Variants in SRC observed in about 807,000 individuals in gnomAD.
SRC encodes SRC proto-oncogene, non-receptor tyrosine kinase.
Under a neutral mutation model 62.9 loss-of-function variants are expected in SRC, and 13 were observed. The observed-to-expected ratio is 0.21, with a 90% confidence interval of 0.13 to 0.33. The LOEUF (loss-of-function observed/expected upper bound fraction) is 0.33. SRC is among the 10% of genes least tolerant of loss of function. SRC has a pLI of 1.00. For missense variants in SRC, 457 were observed against 737.3 expected (o/e 0.62, Z 4.40); for synonymous variants, 302 against 317.5 (o/e 0.95, Z 0.52).
At position 37,402,988 on chromosome 20, in the gene SRC, G is replaced by T; in HGVS notation, c.1402+108G>T. The T allele has an allele frequency of 6.9e-7, 1 of 1,446,194 alleles. No individual in the cohort carries two copies. The highest frequency in any genetic ancestry group is 9.2e-7 in the Non-Finnish European group (1 of 1,082,700). The allele number at this position is 1,446,194 out of a possible 1,614,324, so 89.6% of individuals were successfully genotyped here. Reference sequence around the variant, plus strand: ...CCTGTTTCCCCACCCGTAAAACAAAGAAGTTGAGCGTCTGATGTTAGGCTC... The same window carrying T: ...CCTGTTTCCCCACCCGTAAAACAAATAAGTTGAGCGTCTGATGTTAGGCTC... On this transcript the variant is annotated intron_variant, in intron 13 of 13. Transcript: ENST00000373578. The surrounding 1 kb of genome is among the most constrained non-coding windows in gnomAD (Gnocchi z 6.2).
Position 37,402,413 on chromosome 20 carries a change from G to A in SRC, c.1117-22G>A, listed in dbSNP as rs1337913923. On this transcript the variant is annotated intron_variant, in intron 11 of 13. Coordinates refer to ENST00000373578, the MANE Select transcript of SRC (RefSeq NM_198291.3). This position sits in a 1 kb window ranked among gnomAD's most constrained non-coding sequence, Gnocchi z 6.2. ...AGGGCATGGGTGGCACCTGAGCCAG[G>A]CTCCCACGGTTCCGCCTGCAGATCG... 1 of 1,606,640 alleles carries A rather than the reference G, an allele frequency of 6.2e-7. No homozygotes were observed. The highest frequency in any genetic ancestry group is 1.3e-5 in the African/African-American group (1 of 74,670).
intron 5 of SRC, among the ~76,000 whole-genome samples, chr20:37,390,175 G>T (rs1418101734): frequency 6.6e-6 from 1 of 152,174 alleles, no homozygotes; most frequent in Non-Finnish European, 1.5e-5. Flanking sequence ...TGTGAATGTT[G>T]TCTGCTTTTT....
intron 2 of SRC, among the ~76,000 whole-genome samples, chr20:37,379,635 A>T (rs919244196): frequency 6.6e-6 from 1 of 151,846 alleles, no homozygotes; most frequent in Non-Finnish European, 1.5e-5. Context: ...GAGGCAGTAG[A>T]ATTGCTTGAA....
At chr20:37,371,130 A>T (rs1029913141) in intron 2 of SRC, among the ~76,000 whole-genome samples, 1 of 151,962 alleles carries the variant, frequency 6.6e-6, no homozygotes, top group African/African-American at 2.4e-5. Context: ...CTGGGATTAC[A>T]GGCATGTGCC....
At chr20:37,400,405 G>C (rs1466227088) in intron 10 of SRC, 111 bp downstream of exon 10, 2 of 987,846 alleles carry the variant, frequency 2.0e-6, no homozygotes, top group Non-Finnish European at 2.8e-6. Context: ...GTGGAATGCA[G>C]TAGAGCCAAA....
Position 37,402,034 on chromosome 20 carries a change from C to G in SRC, c.1116+356C>G, listed in dbSNP as rs916933115. ...TTTTTCATTTAATCCTCATCACGAC[C>G]AGGAGTGACGAGGATTGGCTGTTAT... On this transcript the variant is annotated intron_variant, in intron 11 of 13. Transcript: ENST00000373578. This position sits in a 1 kb window ranked among gnomAD's most constrained non-coding sequence, Gnocchi z 6.2. 3.2e-6 allele frequency: 1 copy of G among 307,994 alleles called. No homozygotes were observed. The highest frequency in any genetic ancestry group is 5.7e-5 in the East Asian group (1 of 17,440). The allele number at this position is 307,994 out of a possible 1,614,324, so 19.1% of individuals were successfully genotyped here. A position where few individuals can be genotyped will look rare whatever the true frequency, so the allele number is the denominator to read the frequency against.
At chr20:37,355,394 C>G (rs1023567216) in intron 1 of SRC, among the ~76,000 whole-genome samples, 3 of 152,182 alleles carry the variant, frequency 2.0e-5, no homozygotes, top group South Asian at 2.1e-4. Context: ...CGAGCTCCCC[C>G]CTCCGCCCAC....
In SRC at chr20:37,396,262, C is replaced by T. The variant is rs746731826; in HGVS notation, c.654C>T (p.Thr218=). Residue 218 remains threonine, a synonymous_variant, in exon 8 of 14, where the codon ACC becomes ACT. Transcript: ENST00000373578. The surrounding 1 kb of genome is among the most constrained non-coding windows in gnomAD (Gnocchi z 6.1). ...TGGACAGCGGCGGCTTCTACATCAC[C>T]TCCCGCACCCAGTTCAACAGCCTGC... The part of the protein sequence containing the change: ...RKLDSGGFYI[T]SRTQFNSLQQ... The T allele has an allele frequency of 3.7e-6, 6 of 1,613,954 alleles. No homozygotes were observed. Among genetic ancestry groups the T allele is most frequent in the Non-Finnish European group, 5.1e-6 (6 of 1,179,980 alleles).
chr20:37,397,865 G>A lies in SRC; in HGVS notation c.859+11G>A, dbSNP rs2147108258. 3.1e-6 allele frequency: 5 copies of A among 1,605,314 alleles called. No individual in the cohort carries two copies. The highest frequency in any genetic ancestry group is 3.4e-6 in the Non-Finnish European group (4 of 1,177,496). On this transcript the variant is annotated intron_variant, in intron 9 of 13. Coordinates refer to ENST00000373578, the MANE Select transcript of SRC (RefSeq NM_198291.3). The surrounding 1 kb of genome is among the most constrained non-coding windows in gnomAD (Gnocchi z 4.1). ...GCGAGGTGTGGATGGGTAAGGCCTG[G>A]CCCCTGCCCTCGGGAGAGGCATCCA...
At chr20:37,385,670 G>C (rs1568635639) in intron 4 of SRC, among the ~76,000 whole-genome samples, 1 of 152,212 alleles carries the variant, frequency 6.6e-6, no homozygotes, top group Non-Finnish European at 1.5e-5. Context: ...TCCTGGGGGA[G>C]TGTTCTTCAT....
intron 1 of SRC, among the ~76,000 whole-genome samples, chr20:37,354,823 C>T (rs2069857071): frequency 6.6e-6 from 1 of 152,224 alleles, no homozygotes; most frequent in Admixed American, 6.5e-5. Context: ...GTGGTGGCTT[C>T]TCTTTCTGAG....
intron 1 of SRC, among the ~76,000 whole-genome samples, chr20:37,363,664 ACCC>A (rs919627920): frequency 6.6e-6 from 1 of 151,766 alleles, no homozygotes; most frequent in African/African-American, 2.4e-5. Context: ...GGGTTTCTGC[ACCC>A]CCATCAGCAC....
chr20:37,357,429 A>G (rs1240370983), intron 1 of SRC, among the ~76,000 whole-genome samples: 1 of 151,986 alleles, frequency 6.6e-6, no homozygotes, highest in African/African-American at 2.4e-5. Context: ...CCATCCATCC[A>G]TCCATGATCA....
chr20:37,345,293 T>C (rs192116125), upstream of SRC, among the ~76,000 whole-genome samples: 470 of 151,714 alleles, frequency 3.1e-3, 4 homozygotes, highest in African/African-American at 0.011. Flanking sequence ...CGCCAGGGGG[T>C]AAGAGGGGAG....
chr20:37,388,779 G>T (rs1193634426), intron 5 of SRC, among the ~76,000 whole-genome samples: 2 of 151,844 alleles, frequency 1.3e-5, no homozygotes, highest in African/African-American at 2.4e-5. Context: ...AGGTGTAGGT[G>T]GGGGGCTGGT....
rs527719632 is a variant in SRC, at chr20:37,390,123, A to G, written c.351-3772A>G. Among the ~76,000 whole-genome samples the G allele has an allele frequency of 8.1e-4, 123 of 152,300 alleles. 1 individual carries two copies. The highest frequency in any genetic ancestry group is 1.6e-3 in the Non-Finnish European group (110 of 68,026). On this transcript the variant is annotated intron_variant, in intron 5 of 13. Transcript: ENST00000373578. The stretch of plus-strand genomic sequence containing the variant: ...CATCTCAGTTTACTCTGAGCCCAGC[A>G]TGACGCTCACTGTTTACACACTTTG...
chr20:37,395,908 A>T (rs1184684238), intron 7 of SRC, among the ~76,000 whole-genome samples: 1 of 152,208 alleles, frequency 6.6e-6, no homozygotes, highest in African/African-American at 2.4e-5. Context: ...CATAGCTAGG[A>T]TGTGCACCTG....
intron 1 of SRC, among the ~76,000 whole-genome samples, chr20:37,353,584 T>C (rs1418836959): frequency 1.3e-5 from 2 of 152,144 alleles, no homozygotes; most frequent in Non-Finnish European, 2.9e-5. Context: ...TGAGCCCTTC[T>C]GCAGTGCCAG....
intron 2 of SRC, among the ~76,000 whole-genome samples, chr20:37,368,336 T>C (rs2070097691): frequency 6.6e-6 from 1 of 151,862 alleles, no homozygotes; most frequent in South Asian, 2.1e-4. Flanking sequence ...GACAATCACT[T>C]GAATTCGGGA....
Sources: allele counts gnomAD v4.1 joint callset (sites outside exome capture counted in the v4.1 genomes callset), GRCh38; gene constraint gnomAD v4.1.1; non-coding constraint Gnocchi (gnomAD v3.1); transcripts MANE v1.5; gene names NCBI Gene and HGNC (gene_info 2026-07-23, HGNC 2026-07-21).